The following PLCXD3 variants were observed in gnomAD, a reference collection of about 807,000 sequenced individuals.
PLCXD3 encodes phosphatidylinositol specific phospholipase C X domain containing 3.
A neutral mutation model predicts 25.5 loss-of-function variants in PLCXD3; 19 were observed. The ratio of observed to expected loss-of-function variants is 0.75; its 90% CI spans 0.52 to 1.09. PLCXD3 has a LOEUF of 1.09. Ranked by LOEUF, PLCXD3 falls within the 50% of genes least tolerant of loss-of-function variation. The pLI is 0.00. For missense variants in PLCXD3, 411 were observed against 388.1 expected (o/e 1.06, Z -0.50); for synonymous variants, 174 against 137.6 (o/e 1.26, Z -1.85).
chr5:41,392,285 G>T (rs1745850719), intron 1 of PLCXD3, among the ~76,000 whole-genome samples: 1 of 152,198 alleles, frequency 6.6e-6, no homozygotes, highest in Non-Finnish European at 1.5e-5. Flanking sequence ...GGTTGCCACA[G>T]GGGTGATTCT....
intron 2 of PLCXD3, among the ~76,000 whole-genome samples, chr5:41,363,424 T>C (rs990492923): frequency 6.6e-6 from 1 of 152,328 alleles, no homozygotes; most frequent in East Asian, 1.9e-4. Context: ...TTTTCTCTTA[T>C]CTTATTCTAT....
At position 41,346,528 on chromosome 5, in the gene PLCXD3, G is replaced by A. The variant is rs138836145; in HGVS notation, c.813-32758C>T. On this transcript the variant is annotated intron_variant, in intron 2 of 2. Coordinates refer to ENST00000377801, the MANE Select transcript of PLCXD3 (RefSeq NM_001005473.3). ...ACCAAAACCTTACAACTGATCTTTC[G>A]CCTTTACTGTCTCTATAATTTTGAA... is the stretch of plus-strand genomic sequence containing the variant. Among the ~76,000 whole-genome samples, 259 of 151,888 alleles carry A rather than the reference G, an allele frequency of 1.7e-3. 1 individual carries two copies. Among genetic ancestry groups the A allele is most frequent in the African/African-American group, 6.1e-3 (252 of 41,410 alleles).
intron 2 of PLCXD3, among the ~76,000 whole-genome samples, chr5:41,342,888 G>A (rs1744192111): frequency 6.6e-6 from 1 of 151,946 alleles, no homozygotes; most frequent in South Asian, 2.1e-4. Context: ...CTTTTTTGTG[G>A]TGGGGATAGG....
At chr5:41,345,902 C>T (rs1428728615) in intron 2 of PLCXD3, among the ~76,000 whole-genome samples, 3 of 148,086 alleles carry the variant, frequency 2.0e-5, no homozygotes, top group Non-Finnish European at 4.4e-5. Flanking sequence ...CTTTTTGAGA[C>T]GGAGTCTCAC....
At chr5:41,396,319 T>TTC (rs922700408) in intron 1 of PLCXD3, among the ~76,000 whole-genome samples, 5 of 149,964 alleles carry the variant, frequency 3.3e-5, no homozygotes, top group Non-Finnish European at 5.9e-5. Flanking sequence ...CACTTCCCCC[T>TTC]TCTCTCTCTC....
In PLCXD3 at chr5:41,324,188, G is replaced by A. The variant is rs74420797; in HGVS notation, c.813-10418C>T. Among the ~76,000 whole-genome samples, 1,129 of 152,234 alleles carry A rather than the reference G, an allele frequency of 7.4e-3. 26 individuals carry two copies. The highest frequency in any genetic ancestry group is 0.025 in the African/African-American group (1,057 of 41,526). On this transcript the variant is annotated intron_variant, in intron 2 of 2. Coordinates refer to ENST00000377801, the MANE Select transcript of PLCXD3 (RefSeq NM_001005473.3). ...TGCAGAAGTAGGAGGAAAATCAGGA[G>A]CATATAGTGTCATGAAAATCAAGAA...
chr5:41,424,407 G>T (rs893271621), intron 1 of PLCXD3, among the ~76,000 whole-genome samples: 2 of 152,138 alleles, frequency 1.3e-5, no homozygotes, highest in African/African-American at 4.8e-5. Context: ...GGGTGTGGTG[G>T]TGCATGCCTG....
intron 1 of PLCXD3, among the ~76,000 whole-genome samples, chr5:41,432,543 T>C (rs1370120908): frequency 6.6e-6 from 1 of 152,194 alleles, no homozygotes; most frequent in Non-Finnish European, 1.5e-5. Flanking sequence ...ATTCTTTTAA[T>C]GTCTTCCCTA....
At chr5:41,358,287 TG>T (rs568462230) in intron 2 of PLCXD3, among the ~76,000 whole-genome samples, 131 of 152,334 alleles carry the variant, frequency 8.6e-4, no homozygotes, top group African/African-American at 3.1e-3. Flanking sequence ...GTGAATGCTT[TG>T]GGCTACTTAT....
chr5:41,363,320 T>G (rs1744843230), intron 2 of PLCXD3, among the ~76,000 whole-genome samples: 1 of 152,158 alleles, frequency 6.6e-6, no homozygotes. Context: ...TAGCATACAC[T>G]CAGTAAATGT....
At chr5:41,392,266 C>T (rs903455563) in intron 1 of PLCXD3, among the ~76,000 whole-genome samples, 5 of 152,116 alleles carry the variant, frequency 3.3e-5, no homozygotes, top group Non-Finnish European at 7.4e-5. Context: ...CTAGCACAGT[C>T]ATAATTGTGG....
chr5:41,507,514 T>C (rs187396658), intron 1 of PLCXD3, among the ~76,000 whole-genome samples: 1 of 152,354 alleles, frequency 6.6e-6, no homozygotes, highest in Admixed American at 6.5e-5. Context: ...GCGAGATTAC[T>C]CTGAAACCAT....
intron 1 of PLCXD3, among the ~76,000 whole-genome samples, chr5:41,469,012 T>A (rs1378357066): frequency 6.6e-6 from 1 of 152,132 alleles, no homozygotes; most frequent in Non-Finnish European, 1.5e-5. Flanking sequence ...CAGCTACAGG[T>A]TTGTTATATA....
At chr5:41,321,344 G>A (rs1743465289) in intron 2 of PLCXD3, among the ~76,000 whole-genome samples, 1 of 152,096 alleles carries the variant, frequency 6.6e-6, no homozygotes, top group Non-Finnish European at 1.5e-5. Flanking sequence ...ATTTACAATA[G>A]CCACACATAA....
chr5:41,405,122 C>T (rs1746312965), intron 1 of PLCXD3, among the ~76,000 whole-genome samples: 1 of 152,140 alleles, frequency 6.6e-6, no homozygotes, highest in Non-Finnish European at 1.5e-5. Context: ...ATAGGACCAA[C>T]ACTATGGTTG....
intron 1 of PLCXD3, among the ~76,000 whole-genome samples, chr5:41,391,968 C>T (rs1172792077): frequency 1.3e-5 from 2 of 152,094 alleles, no homozygotes; most frequent in Non-Finnish European, 2.9e-5. Flanking sequence ...GTTCCTCTGC[C>T]TTTGGAAAGA....
At position 41,331,635 on chromosome 5, in the gene PLCXD3, G is replaced by C. The variant is rs561836700; in HGVS notation, c.813-17865C>G. Among the ~76,000 whole-genome samples, 368 of 152,242 alleles carry C rather than the reference G, an allele frequency of 2.4e-3. 2 individuals are homozygous for C. The highest frequency in any genetic ancestry group is 7.8e-3 in the African/African-American group (326 of 41,536). On this transcript the variant is annotated intron_variant, in intron 2 of 2. Coordinates refer to ENST00000377801, the MANE Select transcript of PLCXD3 (RefSeq NM_001005473.3). Reference sequence around the variant, plus strand: ...ACCAAAAAAGAGCCCGCATCCCCAAGTCAATCCTAAGCCAAAAGAACAAAG... The same window carrying C: ...ACCAAAAAAGAGCCCGCATCCCCAACTCAATCCTAAGCCAAAAGAACAAAG...
intron 1 of PLCXD3, among the ~76,000 whole-genome samples, chr5:41,451,204 C>T (rs1747622548): frequency 6.6e-6 from 1 of 152,054 alleles, no homozygotes; most frequent in Non-Finnish European, 1.5e-5. Flanking sequence ...TAACCTGAGA[C>T]ATCTTAGTCA....
At chr5:41,328,985 C>T (rs1743711454) in intron 2 of PLCXD3, among the ~76,000 whole-genome samples, 1 of 152,098 alleles carries the variant, frequency 6.6e-6, no homozygotes, top group African/African-American at 2.4e-5. Context: ...CCTACAGGGC[C>T]CTGAACAATG....
Sources: allele counts gnomAD v4.1 joint callset (sites outside exome capture counted in the v4.1 genomes callset), GRCh38; gene constraint gnomAD v4.1.1; transcripts MANE v1.5; gene names NCBI Gene and HGNC (gene_info 2026-07-23, HGNC 2026-07-21).